The following SLC4A4 variants were observed in gnomAD, a reference collection of about 807,000 sequenced individuals.
The protein encoded by SLC4A4 is solute carrier family 4 member 4.
A neutral mutation model predicts 111.5 loss-of-function variants in SLC4A4; 27 were observed. The observed-to-expected ratio is 0.24, with a 90% CI of 0.18 to 0.33. The LOEUF is 0.33. Among genes scored for constraint, SLC4A4 ranks in the 10% least tolerant of loss-of-function variants. The pLI is 1.00. For synonymous variants in SLC4A4, 443 were observed against 463.4 expected, an observed-to-expected ratio of 0.96 and a Z score of 0.57; for missense variants, 909 against 1,315.5, an observed-to-expected ratio of 0.69 and a Z score of 4.78.
chr4:71,240,665 TA>T (rs200425406), intron 2 of SLC4A4, among the ~76,000 whole-genome samples: 1 of 152,130 alleles, frequency 6.6e-6, no homozygotes, highest in East Asian at 1.9e-4. Context: ...TCAGGAAAAG[TA>T]AAAAAAGTAT....
chr4:71,569,862 A>G lies in SLC4A4; in HGVS notation c.*2111A>G, dbSNP rs969380427. 2.0e-5 allele frequency: 3 copies of G among 151,852 alleles called. No individual in the cohort carries two copies. Among genetic ancestry groups the G allele is most frequent in the African/African-American group, 7.2e-5 (3 of 41,490 alleles). The allele number at this position is 151,852 out of a possible 1,614,324, so 9.4% of individuals were successfully genotyped here. A position where few individuals can be genotyped will look rare whatever the true frequency, so the allele number is the denominator to read the frequency against. On this transcript the variant is annotated 3_prime_UTR_variant, in exon 26 of 26. Transcript: ENST00000264485. ...ATACAAATTAGTCAATAATGACCCC[A>G]ATTTTTTCATTAAAATAATAGTGGT... is the stretch of plus-strand genomic sequence containing the variant.
rs747659330 is a variant in SLC4A4, at chr4:71,453,483, C to G, written c.1323-12C>G. On this transcript the variant is annotated splice_polypyrimidine_tract_variant and intron_variant, in intron 11 of 25. Coordinates refer to ENST00000264485, the MANE Select transcript of SLC4A4 (RefSeq NM_001098484.3). ...TTTACATTTAGTGGATGTTTGCATTCTCTCTGCCCAGGTTCTGTGGTGGAC... is the reference window on the plus strand; with the variant it reads ...TTTACATTTAGTGGATGTTTGCATTGTCTCTGCCCAGGTTCTGTGGTGGAC... 3 of 1,613,124 alleles carry G rather than the reference C, an allele frequency of 1.9e-6. No individual in the cohort carries two copies. Among genetic ancestry groups the G allele is most frequent in the Admixed American group, 1.7e-5 (1 of 59,964 alleles).
rs933954909 is a variant in SLC4A4, at chr4:71,571,315, T to C, written c.*3564T>C. 1 of 152,284 alleles carries C rather than the reference T, an allele frequency of 6.6e-6. No homozygotes were observed. The highest frequency in any genetic ancestry group is 2.4e-5 in the African/African-American group (1 of 41,394). 9.4% of individuals were successfully genotyped at this position (152,284 alleles called of 1,614,324 possible). ...GGTGCAGGAACCTGAGATTTTCTGA[T>C]TTATATTTCATGATATTTCACATTT... On this transcript the variant is annotated 3_prime_UTR_variant, in exon 26 of 26. Transcript: ENST00000264485.
intron 6 of SLC4A4, among the ~76,000 whole-genome samples, chr4:71,369,109 T>A (rs1316396622): frequency 2.0e-5 from 3 of 151,616 alleles, no homozygotes; most frequent in Admixed American, 6.6e-5. Context: ...GACCCCCGAG[T>A]GCGGCGCACT....
intron 8 of SLC4A4, among the ~76,000 whole-genome samples, chr4:71,443,110 CTCTCTCTATATATATATA>C (rs1724891058): frequency 9.9e-6 from 1 of 101,044 alleles, no homozygotes; most frequent in Non-Finnish European, 1.9e-5. Flanking sequence ...CTCTCTCTCT[CTCTCTCTATATATATATA>C]TATATATATA....
At chr4:71,383,864 G>A (rs1718404243) in intron 6 of SLC4A4, among the ~76,000 whole-genome samples, 1 of 152,128 alleles carries the variant, frequency 6.6e-6, no homozygotes, top group Non-Finnish European at 1.5e-5. Context: ...AAGGAGACGT[G>A]TGAGCCACCA....
At chr4:71,249,766 C>T (rs1195864191) in intron 2 of SLC4A4, among the ~76,000 whole-genome samples, 7 of 151,878 alleles carry the variant, frequency 4.6e-5, no homozygotes, top group Admixed American at 4.6e-4. Flanking sequence ...TGGCACATGC[C>T]TGTGATACTC....
chr4:71,334,366 G>T (rs1453614907), intron 3 of SLC4A4, among the ~76,000 whole-genome samples: 3 of 152,088 alleles, frequency 2.0e-5, no homozygotes, highest in Non-Finnish European at 4.4e-5. Context: ...TTAACCTACT[G>T]TGGCTAAGCT....
chr4:71,069,691 T>C (rs1002567535), intron 1 of SLC4A4, among the ~76,000 whole-genome samples: 1 of 152,172 alleles, frequency 6.6e-6, no homozygotes, highest in African/African-American at 2.4e-5. Flanking sequence ...TTTATCCTTA[T>C]TTTATATACT....
chr4:71,399,688 A>G lies in SLC4A4; in HGVS notation c.807+2035A>G, dbSNP rs534630995. 1.3e-4 allele frequency among the ~76,000 whole-genome samples: 20 copies of G among 151,744 alleles called. No individual in the cohort carries two copies. The South Asian group carries it at 2.5e-3, about 19-fold the overall frequency. ...GGCTTCCCATCATTTTAAGTTCAGG[A>G]CTTCTTGATGACCTTTATGATGCTC... is the stretch of plus-strand genomic sequence containing the variant. On this transcript the variant is annotated intron_variant, in intron 7 of 25. Coordinates refer to ENST00000264485, the MANE Select transcript of SLC4A4 (RefSeq NM_001098484.3).
intron 7 of SLC4A4, among the ~76,000 whole-genome samples, chr4:71,430,639 A>G (rs2149040561): frequency 6.6e-6 from 1 of 152,258 alleles, no homozygotes; most frequent in South Asian, 2.1e-4. Context: ...CACAGAACAG[A>G]CAAGCTGCAG....
chr4:71,476,426 A>T (rs1045172791), intron 14 of SLC4A4, among the ~76,000 whole-genome samples: 17 of 151,888 alleles, frequency 1.1e-4, no homozygotes, highest in African/African-American at 4.1e-4. Flanking sequence ...AAACTGGCGT[A>T]TGACTTGTTT....
At chr4:71,138,752 G>A (rs1177136717) in intron 2 of SLC4A4, among the ~76,000 whole-genome samples, 2 of 152,096 alleles carry the variant, frequency 1.3e-5, no homozygotes, top group African/African-American at 2.4e-5. Context: ...GAATCAGTAA[G>A]TTGGCCGGGC....
intron 2 of SLC4A4, among the ~76,000 whole-genome samples, chr4:71,134,772 G>A (rs1383745094): frequency 7.2e-5 from 11 of 152,172 alleles, no homozygotes; most frequent in Non-Finnish European, 1.5e-4. Context: ...GGCTGTACTA[G>A]TCCACAGGCT....
chr4:71,235,308 A>C (rs566248423), intron 1 of SLC4A4, among the ~76,000 whole-genome samples: 1 of 152,236 alleles, frequency 6.6e-6, no homozygotes, highest in South Asian at 2.1e-4. Flanking sequence ...AGTAAGGACA[A>C]AAATATGAAT....
chr4:71,229,408 G>A (rs776941103), intron 1 of SLC4A4, among the ~76,000 whole-genome samples: 33 of 152,170 alleles, frequency 2.2e-4, no homozygotes, highest in Non-Finnish European at 3.7e-4. Context: ...ATTTCTCTGG[G>A]ATAAGTGCCC....
chr4:71,422,893 C>T (rs1017423706), intron 7 of SLC4A4, among the ~76,000 whole-genome samples: 1 of 152,142 alleles, frequency 6.6e-6, no homozygotes, highest in Middle Eastern at 3.2e-3. Flanking sequence ...ACTGAATGGG[C>T]AGAAACTGGA....
intron 3 of SLC4A4, among the ~76,000 whole-genome samples, chr4:71,265,135 C>A (rs1309521489): frequency 6.6e-6 from 1 of 152,106 alleles, no homozygotes; most frequent in African/African-American, 2.4e-5. Flanking sequence ...AACATCTAAG[C>A]AGTTAATACA....
At chr4:71,233,618 A>G (rs914269389) in intron 1 of SLC4A4, among the ~76,000 whole-genome samples, 2 of 151,332 alleles carry the variant, frequency 1.3e-5, no homozygotes, top group Non-Finnish European at 3.0e-5. Context: ...CCTAATTTTT[A>G]TCTCTAATCC....
Sources: gnomAD v4.1 joint callset for allele counts (sites outside exome capture counted in the v4.1 genomes callset) on GRCh38, gnomAD v4.1.1 for gene constraint, MANE v1.5 for transcripts, NCBI Gene and HGNC (gene_info 2026-07-23, HGNC 2026-07-21) for gene names.